Variants in RAD51B observed in about 807,000 individuals in gnomAD.
RAD51B encodes DNA repair protein RAD51 homolog 2.
In RAD51B, 38 loss-of-function variants were observed where a neutral mutation model predicts 42.2. That is an observed-to-expected ratio of 0.90 (90% confidence interval 0.70 to 1.18). The LOEUF (loss-of-function observed/expected upper bound fraction) is 1.18. Ranked by LOEUF, RAD51B falls within the 50% of genes most tolerant of loss-of-function variation. RAD51B has a pLI of 0.00. For synonymous variants in RAD51B, 154 were observed against 145.2 expected (o/e 1.06, Z -0.43); for missense variants, 373 against 400.7 (o/e 0.93, Z 0.59).
intron 10 of RAD51B, among the ~76,000 whole-genome samples, chr14:68,589,878 C>T (rs562860831): frequency 6.6e-6 from 1 of 152,266 alleles, no homozygotes; most frequent in East Asian, 1.9e-4. Context: ...TTGGCTTTTT[C>T]ATTAGCTCAT....
chr14:68,674,934 C>T (rs1365975915), intron 11 of RAD51B, among the ~76,000 whole-genome samples: 2 of 152,214 alleles, frequency 1.3e-5, no homozygotes, highest in Non-Finnish European at 2.9e-5. Context: ...TGCTAACCCT[C>T]TTGAGTTGCT....
intron 7 of RAD51B, among the ~76,000 whole-genome samples, chr14:67,933,491 C>T (rs1295845940): frequency 1.3e-5 from 2 of 152,154 alleles, no homozygotes; most frequent in African/African-American, 4.8e-5. Flanking sequence ...TGTGGGTCTC[C>T]AGATCACCAC....
intron 7 of RAD51B, among the ~76,000 whole-genome samples, chr14:67,892,431 T>G (rs1342244364): frequency 6.6e-6 from 1 of 152,242 alleles, no homozygotes; most frequent in Non-Finnish European, 1.5e-5. Context: ...TATTATATTG[T>G]GCCACTGTTA....
chr14:68,595,191 C>T (rs776116750), exon 11 of RAD51B: 16 of 1,063,514 alleles, frequency 1.5e-5, no homozygotes, highest in Non-Finnish European at 1.8e-5. Context: ...GAGCAGAACA[C>T]TTACATGGAA....
At chr14:67,830,088 C>T (rs1476180846) in intron 3 of RAD51B, among the ~76,000 whole-genome samples, 5 of 151,964 alleles carry the variant, frequency 3.3e-5, no homozygotes, top group African/African-American at 1.2e-4. Context: ...ATGGGGCTTG[C>T]GTGAGTGGGT....
chr14:68,292,077 G>C (rs2139662083), intron 8 of RAD51B, 97 bp downstream of exon 8: 2 of 1,160,084 alleles, frequency 1.7e-6, no homozygotes, highest in East Asian at 4.8e-5. Flanking sequence ...ATGGCTAATA[G>C]GCCCTGGCCA....
intron 10 of RAD51B, among the ~76,000 whole-genome samples, chr14:68,648,112 C>CGTATATATCCGTGT (rs1892615082): frequency 2.5e-5 from 1 of 39,510 alleles, no homozygotes; most frequent in Admixed American, 2.5e-4. Flanking sequence ...TATACACACA[C>CGTATATATCCGTGT]GTATATATAT....
chr14:68,506,527 GT>G (rs1885333973), intron 10 of RAD51B, among the ~76,000 whole-genome samples: 1 of 152,236 alleles, frequency 6.6e-6, no homozygotes, highest in African/African-American at 2.4e-5. Context: ...GTGGCTGTGC[GT>G]GCGCGTGCAT....
At chr14:68,594,118 A>AC (rs1311934135) in intron 10 of RAD51B, among the ~76,000 whole-genome samples, 17 of 114,570 alleles carry the variant, frequency 1.5e-4, no homozygotes, top group East Asian at 2.8e-4. Flanking sequence ...TGATTCCCCC[A>AC]CCCCCCGTGC....
intron 7 of RAD51B, among the ~76,000 whole-genome samples, chr14:68,126,004 G>A (rs2077752190): frequency 6.6e-6 from 1 of 152,148 alleles, no homozygotes; most frequent in Admixed American, 6.5e-5. Context: ...TCTTCATGAT[G>A]ACTATCAACA....
intron 7 of RAD51B, among the ~76,000 whole-genome samples, chr14:68,169,732 A>G (rs2078830904): frequency 6.6e-6 from 1 of 152,008 alleles, no homozygotes; most frequent in Admixed American, 6.6e-5. Flanking sequence ...GGTAGCCATG[A>G]TGGGTATATT....
At chr14:67,831,066 G>GC (rs2041025693) in intron 3 of RAD51B, among the ~76,000 whole-genome samples, 2 of 69,896 alleles carry the variant, frequency 2.9e-5, no homozygotes, top group Non-Finnish European at 7.0e-5. Flanking sequence ...TAGTAGAGAC[G>GC]GTTTCAGCAT....
At chr14:68,501,071 G>A (rs1884886174) in intron 10 of RAD51B, among the ~76,000 whole-genome samples, 1 of 152,164 alleles carries the variant, frequency 6.6e-6, no homozygotes, top group South Asian at 2.1e-4. Context: ...GGTTCATGCT[G>A]GGGTGTGGCC....
chr14:68,601,217 T>A (rs1891204077), intron 10 of RAD51B, among the ~76,000 whole-genome samples: 1 of 151,932 alleles, frequency 6.6e-6, no homozygotes, highest in African/African-American at 2.4e-5. Context: ...CATAGCCACG[T>A]CTCACCAGTA....
At chr14:68,012,408 G>T (rs992059161) in intron 7 of RAD51B, among the ~76,000 whole-genome samples, 1 of 151,480 alleles carries the variant, frequency 6.6e-6, no homozygotes, top group Admixed American at 6.6e-5. Flanking sequence ...TTAAGTGATT[G>T]TAACAAACAT....
intron 8 of RAD51B, among the ~76,000 whole-genome samples, chr14:68,374,174 T>C (rs1334740599): frequency 6.6e-6 from 1 of 152,204 alleles, no homozygotes; most frequent in Non-Finnish European, 1.5e-5. Flanking sequence ...CTAAGCACCG[T>C]TGGAGCAGAG....
At chr14:68,404,391 T>A (rs2084205688) in intron 8 of RAD51B, among the ~76,000 whole-genome samples, 1 of 152,302 alleles carries the variant, frequency 6.6e-6, no homozygotes, top group Admixed American at 6.5e-5. Flanking sequence ...TCACCTTTTC[T>A]TAAAAGCCAG....
intron 7 of RAD51B, among the ~76,000 whole-genome samples, chr14:68,057,846 T>TGC (rs996013347): frequency 6.6e-6 from 1 of 151,544 alleles, no homozygotes; most frequent in African/African-American, 2.4e-5. Context: ...TGTGTGTGTG[T>TGC]GTGTGTGTGT....
intron 2 of RAD51B, among the ~76,000 whole-genome samples, chr14:67,824,528 C>T (rs2040743877): frequency 6.6e-6 from 1 of 151,570 alleles, no homozygotes; most frequent in Non-Finnish European, 1.5e-5. Context: ...AAAGTGCTAG[C>T]ATTACAGACA....
Sources: allele counts gnomAD v4.1 joint callset (sites outside exome capture counted in the v4.1 genomes callset), GRCh38; gene constraint gnomAD v4.1.1; transcripts MANE v1.5; gene names NCBI Gene and HGNC (gene_info 2026-07-23, HGNC 2026-07-21).